The following TPGS2 variants were observed in gnomAD, a reference collection of about 807,000 sequenced individuals.
The protein encoded by TPGS2 is tubulin polyglutamylase complex subunit 2.
TPGS2 carries 26 observed loss-of-function variants against 31.1 expected under a neutral mutation model. That is an observed-to-expected ratio of 0.84 (90% confidence interval 0.61 to 1.16). The LOEUF (loss-of-function observed/expected upper bound fraction) is 1.16. Among genes scored for constraint, TPGS2 ranks in the 50% most tolerant of loss-of-function variants. The pLI is 0.00. For synonymous variants in TPGS2, 130 were observed against 136.6 expected, an observed-to-expected ratio of 0.95 and a Z score of 0.34; for missense variants, 351 against 363.8, an observed-to-expected ratio of 0.96 and a Z score of 0.29.
At chr18:36,798,802 C>T (rs943471800) in intron 5 of TPGS2, among the ~76,000 whole-genome samples, 193 bp from the exon 6 acceptor site, 5 of 152,134 alleles carry the variant, frequency 3.3e-5, no homozygotes, top group African/African-American at 1.2e-4. Flanking sequence ...TTTACTAGTT[C>T]CTTTGATACT....
intron 6 of TPGS2, chr18:36,788,639 A>G (rs912993928): frequency 6.6e-6 from 1 of 152,158 alleles, no homozygotes; most frequent in Admixed American, 6.5e-5. Context: ...TATGCTGTGG[A>G]AGAAAGATTA....
chr18:36,811,989 A>T (rs2045449520), intron 2 of TPGS2, among the ~76,000 whole-genome samples: 1 of 152,218 alleles, frequency 6.6e-6, no homozygotes, highest in Non-Finnish European at 1.5e-5. Flanking sequence ...TTACTGCTGG[A>T]CATTAAAATG....
At chr18:36,805,684 C>CA (rs1031641569) in intron 3 of TPGS2, among the ~76,000 whole-genome samples, 182 bp from the exon 4 acceptor site, 4 of 151,756 alleles carry the variant, frequency 2.6e-5, no homozygotes, top group African/African-American at 9.7e-5. Context: ...ACCTTTCATA[C>CA]AAAAAAAGGA....
intron 4 of TPGS2, among the ~76,000 whole-genome samples, chr18:36,802,296 G>A (rs575492445): frequency 7.5e-4 from 114 of 152,320 alleles, no homozygotes; most frequent in Non-Finnish European, 1.3e-3. Context: ...AAAGTTGTAA[G>A]AACAGAAAAC....
In TPGS2 at chr18:36,828,772, C is replaced by G. The variant is rs1318772163; in HGVS notation, c.-5G>C. On this transcript the variant is annotated 5_prime_UTR_variant, in exon 1 of 7. Coordinates refer to ENST00000334295, the MANE Select transcript of TPGS2 (RefSeq NM_015476.4). ...GGACGATGCCTCCTCCTCCATGGCT[C>G]GCGACCGCGATTCGCGCGCGGCGGG... is the stretch of plus-strand genomic sequence containing the variant. 4.3e-6 allele frequency: 7 copies of G among 1,612,888 alleles called. No homozygotes were observed. The highest frequency in any genetic ancestry group is 1.7e-5 in the Admixed American group (1 of 59,958).
Position 36,808,116 on chromosome 18 carries a change from C to T in TPGS2, c.166-182G>A, listed in dbSNP as rs186665535. On this transcript the variant is annotated intron_variant, in intron 2 of 6. Coordinates refer to ENST00000334295, the MANE Select transcript of TPGS2 (RefSeq NM_015476.4). ...GTCTTGCAAGCAGAGTTCCAGTTTG[C>T]CTTTTTTTTCTTCAGCAGCTAATGC... Among the ~76,000 whole-genome samples, 272 of 152,218 alleles carry T rather than the reference C, an allele frequency of 1.8e-3. 3 individuals are homozygous for T. Among genetic ancestry groups the T allele is most frequent in the Middle Eastern group, 3.4e-3 (1 of 294 alleles).
chr18:36,797,112 CTT>C lies in TPGS2; in HGVS notation c.658-64_658-63del, dbSNP rs2044567550. The C allele has an allele frequency of 7.0e-6, 11 of 1,581,390 alleles. No individual in the cohort carries two copies. In the Admixed American group the frequency reaches 2.2e-4, roughly 32 times the overall value. ...AAGGAAAAATGCCATTCTGTGTGCT[CTT>C]TTTGTGGGATGCAGGAGAGTTGGGA... On this transcript the variant is annotated intron_variant, in intron 6 of 6. Coordinates refer to ENST00000334295, the MANE Select transcript of TPGS2 (RefSeq NM_015476.4).
intron 1 of TPGS2, among the ~76,000 whole-genome samples, chr18:36,826,807 G>C (rs1448793065): frequency 1.3e-5 from 2 of 152,110 alleles, no homozygotes; most frequent in Non-Finnish European, 2.9e-5. Context: ...CTGATTTTAA[G>C]GGGAAAGCTG....
At chr18:36,804,012 C>T (rs766554608) in intron 4 of TPGS2, among the ~76,000 whole-genome samples, 1 of 151,834 alleles carries the variant, frequency 6.6e-6, no homozygotes, top group Admixed American at 6.6e-5. Flanking sequence ...TGATCAGTGG[C>T]GATTTACAGA....
chr18:36,791,221 G>A (rs2044299175), downstream of TPGS2, among the ~76,000 whole-genome samples: 1 of 152,168 alleles, frequency 6.6e-6, no homozygotes, highest in African/African-American at 2.4e-5. Flanking sequence ...TTCTTGTACA[G>A]CCTGCAGAAC....
chr18:36,803,259 C>T (rs530232937), intron 4 of TPGS2, among the ~76,000 whole-genome samples: 1 of 152,310 alleles, frequency 6.6e-6, no homozygotes, highest in South Asian at 2.1e-4. Context: ...TGTTGACCAA[C>T]GTTTCCCCTT....
chr18:36,807,898 A>C lies in TPGS2; in HGVS notation c.202T>G (p.Phe68Val). ...NCVMPEDVKN[F>V]YLMTNGFHMT... ...TGGAAGCCATTGGTCATCAGGTAAA[A>C]GTTCTTCACATCTTCAGGCATCACA... Residue 68 changes from phenylalanine to valine, a missense_variant, in exon 3 of 7, where the codon TTT (phenylalanine) becomes GTT (valine). Transcript: ENST00000334295. 1 of 1,614,174 alleles carries C rather than the reference A, an allele frequency of 6.2e-7. No homozygotes were observed. Among genetic ancestry groups the C allele is most frequent in the Non-Finnish European group, 8.5e-7 (1 of 1,180,038 alleles).
At chr18:36,818,655 T>TTA in intron 2 of TPGS2, 1 of 441,672 alleles carries the variant, frequency 2.3e-6, no homozygotes, top group Non-Finnish European at 4.1e-6. Flanking sequence ...TACACAACTT[T>TTA]GAATGTCCAC....
chr18:36,823,459 TG>T (rs541899761), intron 1 of TPGS2, among the ~76,000 whole-genome samples: 1 of 132,074 alleles, frequency 7.6e-6, no homozygotes, highest in Non-Finnish European at 1.6e-5. Flanking sequence ...GTTAACAGCT[TG>T]TTTTTTTTTT....
chr18:36,787,067 T>TATA (rs1299585001), intron 6 of TPGS2: 2 of 1,232,854 alleles, frequency 1.6e-6, no homozygotes, highest in African/African-American at 3.1e-5. Context: ...TTCATTTTGA[T>TATA]ATTATAAGTT....
In TPGS2 at chr18:36,795,465, C is replaced by T; in HGVS notation, c.*1340G>A. The T allele has an allele frequency of 2.0e-6, 2 of 985,386 alleles. No individual in the cohort carries two copies. 61.0% of individuals were successfully genotyped at this position (985,386 alleles called of 1,614,324 possible). On this transcript the variant is annotated 3_prime_UTR_variant, in exon 7 of 7. Coordinates refer to ENST00000334295, the MANE Select transcript of TPGS2 (RefSeq NM_015476.4). ...GACTTCAGTACAAAAACTGCAGCCA[C>T]CCAAAGAACTTGGGGCTAGGTGGGT...
rs762688805 is a variant in TPGS2 at position 36,800,264 on chromosome 18, T to C, written c.430A>G (p.Ile144Val). 2.5e-5 allele frequency: 41 copies of C among 1,614,012 alleles called. No homozygotes were observed. In the East Asian group the frequency reaches 8.9e-4, roughly 35 times the overall value. The change falls in exon 5 of 7, where the codon ATA becomes GTA. Residue 144 changes from isoleucine (I) to valine (V), a missense_variant. Transcript: ENST00000334295. ...CCATTGCATGAATCCAGCTCAAATA[T>C]CACACTGCGAGAGTCAAAGTGAGGC... ...EKPHFDSRSV[I>V]FELDSCNGSG...
chr18:36,796,418 T>A lies in TPGS2; in HGVS notation c.*387A>T. 9.9e-7 allele frequency: 1 copy of A among 1,009,276 alleles called. No homozygotes were observed. The allele number at this position is 1,009,276 out of a possible 1,614,324, so 62.5% of individuals were successfully genotyped here. On this transcript the variant is annotated 3_prime_UTR_variant, in exon 7 of 7. Coordinates refer to ENST00000334295, the MANE Select transcript of TPGS2 (RefSeq NM_015476.4). ...TTTACTTTAAATTTAAATAGTCATA[T>A]GTGACTAGTGGCTCCTGAATGAACA...
At chr18:36,826,944 G>C (rs1325053911) in intron 1 of TPGS2, among the ~76,000 whole-genome samples, 1 of 151,954 alleles carries the variant, frequency 6.6e-6, no homozygotes, top group Admixed American at 6.5e-5. Flanking sequence ...AATCAAGAAA[G>C]GTTAGATTTT....
Sources: gnomAD v4.1 joint callset for allele counts (sites outside exome capture counted in the v4.1 genomes callset) on GRCh38, gnomAD v4.1.1 for gene constraint, MANE v1.5 for transcripts, NCBI Gene and HGNC (gene_info 2026-07-23, HGNC 2026-07-21) for gene names.